The following DST variants were observed in gnomAD, a reference collection of about 807,000 sequenced individuals.
The protein encoded by DST is bullous pemphigoid antigen.
In DST, 253 loss-of-function variants were observed where a neutral mutation model predicts 875.2. That is an observed-to-expected ratio of 0.29 (90% confidence interval 0.26 to 0.32). DST has a LOEUF of 0.32. DST is among the 10% of genes least tolerant of loss of function. The probability of loss-of-function intolerance (pLI) is 1.00; values close to 1 mark genes in which losing one functional copy is unlikely to be tolerated. For synonymous variants in DST, 3,124 were observed against 3,197.1 expected (o/e 0.98, Z 0.77); for missense variants, 8,287 against 9,111.6 (o/e 0.91, Z 3.68).
At position 56,815,040 on chromosome 6, in the gene DST, T is replaced by TCC. The variant is rs2099765012; in HGVS notation, c.625+36355_625+36356dup. ...ATCACCGCTCTGCCACTCGCTATAA[T>TCC]CCCGGTGTGGCCGTGGGCAAGTCGC... On this transcript the variant is annotated intron_variant, in intron 4 of 103. Coordinates refer to ENST00000680361, the MANE Select transcript of DST (RefSeq NM_001374736.1). Among the ~76,000 whole-genome samples the TCC allele has an allele frequency of 2.0e-5, 3 of 152,152 alleles. 1 individual carries two copies. The South Asian group carries it at 6.2e-4, about 32-fold the overall frequency.
intron 61 of DST, among the ~76,000 whole-genome samples, chr6:56,547,167 T>C (rs753503152): frequency 3.3e-5 from 5 of 152,166 alleles, no homozygotes; most frequent in African/African-American, 4.8e-5. Context: ...ATATTCCTTG[T>C]ATCATGTGAA....
chr6:56,460,363 A>C, intron 102 of DST, 109 bp from the exon 103 acceptor site: 1 of 1,149,092 alleles, frequency 8.7e-7, no homozygotes, highest in South Asian at 1.8e-5. Flanking sequence ...ATTCCTCTTT[A>C]GGAGGTGAAG....
Position 56,648,749 on chromosome 6 carries a change from G to A in DST, c.1435-60C>T, listed in dbSNP as rs190788286. 4.8e-4 allele frequency: 666 copies of A among 1,376,944 alleles called. 5 individuals carry two copies. The highest frequency in any genetic ancestry group is 7.1e-5 in the South Asian group (5 of 70,468). The allele number at this position is 1,376,944 out of a possible 1,614,324, so 85.3% of individuals were successfully genotyped here. On this transcript the variant is annotated intron_variant, in intron 12 of 103. Transcript: ENST00000680361. The stretch of plus-strand genomic sequence containing the variant: ...TGTAGATAATAACATTCATATCTAA[G>A]ACAATTTAGTCAGAAGTCATTCTGT...
Position 56,799,358 on chromosome 6 carries a change from T to C in DST, c.625+52039A>G, listed in dbSNP as rs540992329. Among the ~76,000 whole-genome samples, 300 of 126,268 alleles carry C rather than the reference T, an allele frequency of 2.4e-3. 1 individual carries two copies. The highest frequency in any genetic ancestry group is 0.013 in the African/African-American group (294 of 22,450). The allele number at this position is 126,268 out of a possible 152,430, so 82.8% of individuals were successfully genotyped here. A position where few individuals can be genotyped will look rare whatever the true frequency, so the allele number is the denominator to read the frequency against. On this transcript the variant is annotated intron_variant, in intron 4 of 103. Transcript: ENST00000680361. Reference sequence around the variant, plus strand: ...CAACAGAGCAAGAAACTATCTCTCTTTTTTTTTTTTTTAAATCACATACTA... The same window carrying C: ...CAACAGAGCAAGAAACTATCTCTCTCTTTTTTTTTTTTAAATCACATACTA...
intron 4 of DST, among the ~76,000 whole-genome samples, chr6:56,794,192 G>A (rs2099735933): frequency 6.6e-6 from 1 of 152,184 alleles, no homozygotes; most frequent in Non-Finnish European, 1.5e-5. Context: ...TACACACCAA[G>A]TATTTCGACT....
chr6:56,742,343 T>A (rs1472583133), intron 4 of DST: 9 of 1,289,726 alleles, frequency 7.0e-6, no homozygotes, highest in Non-Finnish European at 9.1e-6. Flanking sequence ...CCCATCATTC[T>A]GCAGGAAATC....
At chr6:56,819,207 A>C (rs544696844) in intron 4 of DST, among the ~76,000 whole-genome samples, 1 of 152,308 alleles carries the variant, frequency 6.6e-6, no homozygotes, top group East Asian at 1.9e-4. Flanking sequence ...CATCCATCAG[A>C]AGTATATTTG....
At chr6:56,824,008 TCCCCAC>T (rs1467064631) in intron 4 of DST, among the ~76,000 whole-genome samples, 14 of 152,172 alleles carry the variant, frequency 9.2e-5, no homozygotes, top group African/African-American at 2.6e-4. Context: ...CCTCTGCCTC[TCCCCAC>T]GGTCTCCCTC....
intron 4 of DST, among the ~76,000 whole-genome samples, chr6:56,772,202 C>A (rs2099667918): frequency 6.6e-6 from 1 of 152,102 alleles, no homozygotes; most frequent in African/African-American, 2.4e-5. Context: ...TATGTAAATG[C>A]TTAATCATTT....
chr6:56,953,770 C>T lies in DST; in HGVS notation c.216+15G>A. ...AACTTCTTCTGACCTTGAGCGTGCG[C>T]GCTAAATAAATTACCTCAGAACGAA... On this transcript the variant is annotated intron_variant, in intron 2 of 103. Transcript: ENST00000680361. The T allele has an allele frequency of 7.6e-7, 1 of 1,312,780 alleles. No individual in the cohort carries two copies. The highest frequency in any genetic ancestry group is 1.0e-6 in the Non-Finnish European group (1 of 992,648). 81.3% of individuals were successfully genotyped at this position (1,312,780 alleles called of 1,614,324 possible).
At chr6:56,460,939 CATAAGT>C (rs1172083888) in intron 102 of DST, 3 of 150,138 alleles carry the variant, frequency 2.0e-5, no homozygotes, top group Admixed American at 6.7e-5. Context: ...CTAAAACAAT[CATAAGT>C]ATGAGATTTT....
intron 5 of DST, among the ~76,000 whole-genome samples, chr6:56,728,736 G>GC (rs1364163669): frequency 6.6e-6 from 1 of 151,998 alleles, no homozygotes; most frequent in Non-Finnish European, 1.5e-5. Context: ...ACACCTAAAT[G>GC]CAATACCTGA....
chr6:56,883,048 A>G (rs1782960728), intron 3 of DST, among the ~76,000 whole-genome samples: 1 of 152,126 alleles, frequency 6.6e-6, no homozygotes, highest in African/African-American at 2.4e-5. Flanking sequence ...TTATATTTTT[A>G]GTAGAGATGG....
intron 2 of DST, among the ~76,000 whole-genome samples, chr6:56,947,716 G>A (rs1442705679): frequency 2.0e-5 from 3 of 152,198 alleles, no homozygotes; most frequent in Admixed American, 6.5e-5. Flanking sequence ...AATCTCAAGA[G>A]TCCCTTTCTC....
chr6:56,794,987 C>G (rs1382647912), intron 4 of DST, among the ~76,000 whole-genome samples: 1 of 152,118 alleles, frequency 6.6e-6, no homozygotes, highest in Non-Finnish European at 1.5e-5. Context: ...CCATAATTAG[C>G]TTTTAAACAT....
At chr6:56,487,032 C>T in intron 87 of DST, 72 bp downstream of exon 87, 1 of 1,468,402 alleles carries the variant, frequency 6.8e-7, no homozygotes, top group South Asian at 1.3e-5. Flanking sequence ...CGAAATGTCC[C>T]CGCAAAGCAC....
Position 56,605,353 on chromosome 6 carries a change from A to T in DST, c.9275T>A (p.Phe3092Tyr). The T allele has an allele frequency of 6.2e-7, 1 of 1,612,696 alleles. No individual in the cohort carries two copies. The highest frequency in any genetic ancestry group is 8.5e-7 in the Non-Finnish European group (1 of 1,179,276). The change falls in exon 40 of 104, where the codon TTT becomes TAT. Residue 3092 changes from phenylalanine (F) to tyrosine (Y), a missense_variant. Coordinates refer to ENST00000680361, the MANE Select transcript of DST (RefSeq NM_001374736.1). ...ATTGTTTGTGATTTGTGGAAATGGA[A>T]ACTGACTATTAATTAACTTGAAACT... ...RDSFKLINSQFPFPQITNNEE... is the reference protein window; with the variant it reads ...RDSFKLINSQYPFPQITNNEE...
At chr6:56,768,124 A>G (rs1485549418) in intron 4 of DST, among the ~76,000 whole-genome samples, 2 of 152,210 alleles carry the variant, frequency 1.3e-5, no homozygotes, top group Non-Finnish European at 1.5e-5. Context: ...AACAGATCTG[A>G]CTTGTGTTTA....
At chr6:56,759,081 A>G (rs986873837) in intron 4 of DST, among the ~76,000 whole-genome samples, 1 of 152,200 alleles carries the variant, frequency 6.6e-6, no homozygotes, top group African/African-American at 2.4e-5. Flanking sequence ...TGGAAATACA[A>G]ATGATCATTT....
Sources: gnomAD v4.1 joint callset for allele counts (sites outside exome capture counted in the v4.1 genomes callset) on GRCh38, gnomAD v4.1.1 for gene constraint, MANE v1.5 for transcripts, NCBI Gene and HGNC (gene_info 2026-07-23, HGNC 2026-07-21) for gene names.